Variants in SGCD observed in about 807,000 individuals in gnomAD.
The protein encoded by SGCD is delta-sarcoglycan.
In SGCD, 18 loss-of-function variants were observed where a neutral mutation model predicts 36.6. The ratio of observed to expected loss-of-function variants is 0.49; its 90% CI spans 0.34 to 0.73. The LOEUF (loss-of-function observed/expected upper bound fraction) is 0.73, where lower values mean the gene tolerates loss of function less well. Among genes scored for constraint, SGCD ranks in the 30% least tolerant of loss-of-function variants. The pLI is 0.01. For missense variants in SGCD, 387 were observed against 346.7 expected (o/e 1.12, Z -0.92); for synonymous variants, 133 against 130.6 (o/e 1.02, Z -0.12).
intron 6 of SGCD, among the ~76,000 whole-genome samples, chr5:156,616,312 T>C (rs943379867): frequency 1.3e-5 from 2 of 152,208 alleles, no homozygotes; most frequent in African/African-American, 4.8e-5. Context: ...GTGTGCTGGT[T>C]AGCAAAGCCT....
At chr5:156,529,140 C>T (rs1757770053) in intron 4 of SGCD, among the ~76,000 whole-genome samples, 1 of 151,924 alleles carries the variant, frequency 6.6e-6, no homozygotes, top group Non-Finnish European at 1.5e-5. Flanking sequence ...TTAAGAAAGG[C>T]ACATGGGCCG....
At chr5:156,537,902 C>T (rs1055099503) in intron 4 of SGCD, among the ~76,000 whole-genome samples, 8 of 151,914 alleles carry the variant, frequency 5.3e-5, no homozygotes, top group African/African-American at 9.7e-5. Context: ...TCTGCCTTCT[C>T]ATGGTTCTGG....
chr5:156,578,108 G>C (rs1760061191), intron 4 of SGCD, among the ~76,000 whole-genome samples: 1 of 152,174 alleles, frequency 6.6e-6, no homozygotes, highest in African/African-American at 2.4e-5. Flanking sequence ...AGTTTATTGA[G>C]AGTTTTTAGC....
chr5:156,570,773 A>T (rs927890335), intron 4 of SGCD, among the ~76,000 whole-genome samples: 1 of 152,134 alleles, frequency 6.6e-6, no homozygotes, highest in Non-Finnish European at 1.5e-5. Flanking sequence ...TCCATGAGTT[A>T]TCTTTCCTGA....
At chr5:156,479,896 C>T (rs1755348007) in intron 3 of SGCD, among the ~76,000 whole-genome samples, 1 of 152,228 alleles carries the variant, frequency 6.6e-6, no homozygotes, top group East Asian at 1.9e-4. Flanking sequence ...AAAGAAGTTA[C>T]CCGCTTTGAC....
At chr5:156,191,104 A>G (rs1763881209) in intron 3 of SGCD, among the ~76,000 whole-genome samples, 1 of 152,136 alleles carries the variant, frequency 6.6e-6, no homozygotes, top group African/African-American at 2.4e-5. Flanking sequence ...ATAGATGGGA[A>G]CGAAGTGGTG....
chr5:156,703,378 A>C (rs997026906), intron 7 of SGCD, among the ~76,000 whole-genome samples: 2 of 149,212 alleles, frequency 1.3e-5, no homozygotes, highest in African/African-American at 2.5e-5. Flanking sequence ...TCTTTTATTT[A>C]TTTCTTTTTT....
intron 1 of SGCD, among the ~76,000 whole-genome samples, chr5:155,885,722 G>A (rs868492190): frequency 2.0e-5 from 3 of 152,218 alleles, no homozygotes; most frequent in Non-Finnish European, 4.4e-5. Flanking sequence ...ATGATGATTA[G>A]CTTTTCAAAA....
intron 3 of SGCD, among the ~76,000 whole-genome samples, chr5:156,355,282 C>T (rs1424839449): frequency 6.6e-6 from 1 of 152,156 alleles, no homozygotes; most frequent in Non-Finnish European, 1.5e-5. Flanking sequence ...TTTCCAAGAC[C>T]CAGAGCTGTG....
At chr5:156,493,093 T>A (rs367813206) in intron 3 of SGCD, among the ~76,000 whole-genome samples, 1 of 152,178 alleles carries the variant, frequency 6.6e-6, no homozygotes, top group East Asian at 1.9e-4. Context: ...ATGGGATTGC[T>A]GGGTCAAATG....
rs150824354 is a variant in SGCD, at chr5:156,602,344, AT to A, written c.502+7303del. 1.7e-4 allele frequency among the ~76,000 whole-genome samples: 25 copies of A among 150,596 alleles called. 1 individual carries two copies. The highest frequency in any genetic ancestry group is 3.4e-3 in the Middle Eastern group (1 of 290). ...ACTGTTAGATTTCTTAATTCTAATA[AT>A]TTTTTTTTTGGTGGAATCTTTAGGG... On this transcript the variant is annotated intron_variant, in intron 6 of 8. Coordinates refer to ENST00000337851, the MANE Select transcript of SGCD (RefSeq NM_000337.6).
At chr5:156,524,306 T>C (rs1047931813) in intron 4 of SGCD, among the ~76,000 whole-genome samples, 4 of 136,264 alleles carry the variant, frequency 2.9e-5, no homozygotes, top group Non-Finnish European at 6.4e-5. Context: ...TATATATATA[T>C]CATCATGCAG....
At chr5:156,180,548 A>T (rs1397909946) in intron 3 of SGCD, among the ~76,000 whole-genome samples, 2 of 152,320 alleles carry the variant, frequency 1.3e-5, no homozygotes, top group African/African-American at 2.4e-5. Context: ...ATGAAAATTT[A>T]AAATATCATT....
intron 1 of SGCD, among the ~76,000 whole-genome samples, chr5:155,898,718 C>T (rs1756322278): frequency 6.6e-6 from 1 of 152,174 alleles, no homozygotes; most frequent in Non-Finnish European, 1.5e-5. Context: ...CAGCCATCCC[C>T]TCAGGATACA....
chr5:155,748,009 A>G, the SGCD span, among the ~76,000 whole-genome samples: 18 of 152,224 alleles, frequency 1.2e-4, no homozygotes, highest in East Asian at 1.2e-3. Context: ...ACTATATTCA[A>G]TTAGCCTTAG....
At chr5:156,677,851 C>G (rs1753575885) in intron 7 of SGCD, among the ~76,000 whole-genome samples, 2 of 152,190 alleles carry the variant, frequency 1.3e-5, no homozygotes, top group Non-Finnish European at 2.9e-5. Context: ...CTATTGCATT[C>G]ATTTAGGAAG....
At chr5:156,665,104 G>C (rs1259139335) in intron 7 of SGCD, among the ~76,000 whole-genome samples, 10 of 151,994 alleles carry the variant, frequency 6.6e-5, no homozygotes, top group African/African-American at 2.4e-4. Flanking sequence ...CTGACTTTCT[G>C]GGGGTGGCCG....
intron 3 of SGCD, among the ~76,000 whole-genome samples, chr5:156,177,374 A>G (rs562448897): frequency 6.6e-6 from 1 of 152,274 alleles, no homozygotes; most frequent in East Asian, 1.9e-4. Flanking sequence ...TCTAAATGGT[A>G]GAGATATTAA....
At chr5:156,702,341 T>G (rs1199969734) in intron 7 of SGCD, among the ~76,000 whole-genome samples, 2 of 152,114 alleles carry the variant, frequency 1.3e-5, no homozygotes, top group Admixed American at 1.3e-4. Context: ...AACAAGTCCT[T>G]ATTGCTCAGT....
Sources: gnomAD v4.1 joint callset for allele counts (sites outside exome capture counted in the v4.1 genomes callset) on GRCh38, gnomAD v4.1.1 for gene constraint, MANE v1.5 for transcripts, NCBI Gene and HGNC (gene_info 2026-07-23, HGNC 2026-07-21) for gene names.